The following TANGO6 variants were observed in gnomAD, a reference collection of about 807,000 sequenced individuals.
The protein encoded by TANGO6 is transport and Golgi organization protein 6 homolog.
Under a neutral mutation model 114.2 loss-of-function variants are expected in TANGO6, and 90 were observed. The observed-to-expected ratio is 0.79, with a 90% CI of 0.66 to 0.94. TANGO6 has a LOEUF of 0.94. Among genes scored for constraint, TANGO6 ranks in the 40% least tolerant of loss-of-function variants. The pLI is 0.00. For missense variants in TANGO6, 1,274 were observed against 1,315.3 expected (o/e 0.97, Z 0.49); for synonymous variants, 477 against 509.8 (o/e 0.94, Z 0.87).
At chr16:69,036,590 T>C (rs1959690626) in intron 16 of TANGO6, among the ~76,000 whole-genome samples, 1 of 152,138 alleles carries the variant, frequency 6.6e-6, no homozygotes, top group Admixed American at 6.6e-5. Context: ...AGCAGGAGGC[T>C]ATTTCAGCTG....
At chr16:69,020,900 ATGTATGTGTGTGTGTG>A (rs1425344692) in intron 15 of TANGO6, among the ~76,000 whole-genome samples, 33 of 126,460 alleles carry the variant, frequency 2.6e-4, no homozygotes, top group South Asian at 6.9e-4. Context: ...TTATATATGT[ATGTATGTGTGTGTGTG>A]TGTGTGTGTG....
intron 11 of TANGO6, among the ~76,000 whole-genome samples, chr16:68,915,601 T>C (rs1208073710): frequency 1.3e-5 from 2 of 152,166 alleles, no homozygotes; most frequent in African/African-American, 4.8e-5. Context: ...GGCAACATAG[T>C]TGGCCCAAGA....
At chr16:68,953,050 T>TTTATTA (rs71383944) in intron 14 of TANGO6, among the ~76,000 whole-genome samples, 29,497 of 138,960 alleles carry the variant, frequency 0.21, 3,529 homozygotes, top group African/African-American at 0.32. Flanking sequence ...ACAGGTATTT[T>TTTATTA]TTATTATTAT....
chr16:69,025,047 ATCC>A (rs1959475898), intron 16 of TANGO6, among the ~76,000 whole-genome samples: 1 of 152,100 alleles, frequency 6.6e-6, no homozygotes, highest in African/African-American at 2.4e-5. Flanking sequence ...GACTCAAGTG[ATCC>A]TCCTGCCTCG....
At chr16:68,866,569 G>A (rs1668518200) in intron 3 of TANGO6, among the ~76,000 whole-genome samples, 1 of 150,664 alleles carries the variant, frequency 6.6e-6, no homozygotes. Flanking sequence ...CTTGCAGTGA[G>A]CCGAGATTGC....
chr16:68,986,880 G>C (rs1963896887), intron 15 of TANGO6, among the ~76,000 whole-genome samples: 1 of 152,124 alleles, frequency 6.6e-6, no homozygotes, highest in Non-Finnish European at 1.5e-5. Flanking sequence ...ACTCCAGCCT[G>C]GGGATAGAGT....
At chr16:69,054,708 C>T (rs1393451279) in intron 17 of TANGO6, among the ~76,000 whole-genome samples, 3 of 151,170 alleles carry the variant, frequency 2.0e-5, no homozygotes, top group East Asian at 1.9e-4. Context: ...CCAAGGTGGG[C>T]GGATCACGAG....
At chr16:69,005,405 G>A (rs889159700) in intron 15 of TANGO6, among the ~76,000 whole-genome samples, 4 of 152,284 alleles carry the variant, frequency 2.6e-5, no homozygotes, top group African/African-American at 9.6e-5. Context: ...CCCAGACAAT[G>A]GGAGGCTGCA....
At chr16:68,963,091 C>CAAA (rs567582629) in intron 14 of TANGO6, among the ~76,000 whole-genome samples, 5,514 of 76,708 alleles carry the variant, frequency 0.072, 183 homozygotes, top group Non-Finnish European at 0.11. Flanking sequence ...GACTCCGTCT[C>CAAA]AAAAAAAAAA....
intron 14 of TANGO6, among the ~76,000 whole-genome samples, chr16:68,954,828 C>T (rs1349347523): frequency 2.6e-5 from 4 of 152,042 alleles, no homozygotes; most frequent in Admixed American, 6.6e-5. Context: ...AATTTTTTAG[C>T]GGTGGAATCC....
At position 69,075,634 on chromosome 16, in the gene TANGO6, T is replaced by C. The variant is rs552015461; in HGVS notation, c.3109-7851T>C. 3.3e-5 allele frequency among the ~76,000 whole-genome samples: 5 copies of C among 151,326 alleles called. No homozygotes were observed. In the East Asian group the frequency reaches 9.8e-4, roughly 30 times the overall value. On this transcript the variant is annotated intron_variant, in intron 17 of 17. Coordinates refer to ENST00000261778, the MANE Select transcript of TANGO6 (RefSeq NM_024562.2). ...ACACCTGGCTAATTTTTGTACTTTT[T>C]GTAGAGATGGGGTTTCACCATGTTG...
intron 7 of TANGO6, among the ~76,000 whole-genome samples, chr16:68,888,873 C>T (rs146765510): frequency 2.7e-3 from 404 of 152,292 alleles, no homozygotes; most frequent in Middle Eastern, 6.8e-3. Flanking sequence ...AGTGCAGTGG[C>T]GCAATCTCAG....
chr16:69,080,472 C>T (rs1391696226), intron 17 of TANGO6, among the ~76,000 whole-genome samples: 3 of 152,056 alleles, frequency 2.0e-5, no homozygotes, highest in South Asian at 2.1e-4. Flanking sequence ...ATTGCTGGAG[C>T]CCAGGAGATT....
chr16:68,861,328 A>G (rs1356641403), intron 2 of TANGO6, among the ~76,000 whole-genome samples: 1 of 152,106 alleles, frequency 6.6e-6, no homozygotes, highest in African/African-American at 2.4e-5. Flanking sequence ...AGGTTTCACA[A>G]TGTTCTCGTT....
At chr16:68,961,957 C>T (rs1963596663) in intron 14 of TANGO6, among the ~76,000 whole-genome samples, 1 of 152,188 alleles carries the variant, frequency 6.6e-6, no homozygotes, top group South Asian at 2.1e-4. Flanking sequence ...TTTCGTCTAA[C>T]CCTGTTTTTT....
At chr16:68,998,865 A>G (rs1231234394) in intron 15 of TANGO6, among the ~76,000 whole-genome samples, 1 of 151,768 alleles carries the variant, frequency 6.6e-6, no homozygotes, top group African/African-American at 2.4e-5. Flanking sequence ...TTGATGAAAC[A>G]TTGTTCCATA....
At chr16:68,877,774 A>C (rs1229748472) in intron 5 of TANGO6, among the ~76,000 whole-genome samples, 1 of 151,894 alleles carries the variant, frequency 6.6e-6, no homozygotes, top group African/African-American at 2.4e-5. Flanking sequence ...CACTCGGCTA[A>C]GATTTTTGTA....
intron 7 of TANGO6, among the ~76,000 whole-genome samples, chr16:68,893,936 G>A (rs1035353684): frequency 6.6e-6 from 1 of 152,042 alleles, no homozygotes; most frequent in Non-Finnish European, 1.5e-5. Context: ...CAACACCCAG[G>A]TGTTGGGGCA....
chr16:69,053,777 G>A (rs1959989965), intron 17 of TANGO6, among the ~76,000 whole-genome samples: 1 of 152,024 alleles, frequency 6.6e-6, no homozygotes, highest in Non-Finnish European at 1.5e-5. Context: ...AAGAATCTTA[G>A]TCTCGGCCAG....
Sources: gnomAD v4.1 joint callset for allele counts (sites outside exome capture counted in the v4.1 genomes callset) on GRCh38, gnomAD v4.1.1 for gene constraint, MANE v1.5 for transcripts, NCBI Gene and HGNC (gene_info 2026-07-23, HGNC 2026-07-21) for gene names.